INPP4B: variants seen among roughly 807,000 people sequenced by gnomAD.
The protein encoded by INPP4B is inositol polyphosphate 4-phosphatase type II.
A neutral mutation model predicts 122.5 loss-of-function variants in INPP4B; 55 were observed. The observed-to-expected ratio is 0.45, with a 90% CI of 0.36 to 0.56. INPP4B has a LOEUF of 0.56. Ranked by LOEUF, INPP4B falls within the 20% of genes least tolerant of loss-of-function variation. The probability of loss-of-function intolerance (pLI) is 0.00; values close to 1 mark genes in which losing one functional copy is unlikely to be tolerated. For missense variants in INPP4B, 1,000 were observed against 1,097.7 expected (o/e 0.91, Z 1.26); for synonymous variants, 403 against 388.7 (o/e 1.04, Z -0.43).
At chr4:142,165,290 T>C (rs1714173600) in intron 16 of INPP4B, among the ~76,000 whole-genome samples, 1 of 151,710 alleles carries the variant, frequency 6.6e-6, no homozygotes, top group Non-Finnish European at 1.5e-5. Context: ...ACGCCTATTT[T>C]CTGGATTAGT....
intron 1 of INPP4B, among the ~76,000 whole-genome samples, chr4:142,765,172 A>G (rs1206215258): frequency 6.6e-6 from 1 of 152,132 alleles, no homozygotes; most frequent in African/African-American, 2.4e-5. Context: ...ACAGTGAAAA[A>G]AGTTGATAAT....
Position 142,682,950 on chromosome 4 carries a change from G to T in INPP4B, c.-191+42889C>A, listed in dbSNP as rs1185418561. 2.6e-5 allele frequency among the ~76,000 whole-genome samples: 4 copies of T among 151,922 alleles called. No individual in the cohort carries two copies. In the East Asian group the frequency reaches 7.8e-4, roughly 30 times the overall value. Reference sequence around the variant, plus strand: ...TGTAACAATTATATATTATGTATATGCATATACACATATATATGTGCTGAA... The same window carrying T: ...TGTAACAATTATATATTATGTATATTCATATACACATATATATGTGCTGAA... On this transcript the variant is annotated intron_variant, in intron 2 of 25. Transcript: ENST00000262992.
intron 1 of INPP4B, among the ~76,000 whole-genome samples, chr4:142,800,500 G>A (rs1477712686): frequency 6.6e-6 from 1 of 152,066 alleles, no homozygotes; most frequent in Admixed American, 6.6e-5. Flanking sequence ...TGATCAAATG[G>A]AAATTGGATC....
chr4:142,312,910 C>A (rs1443648021), intron 8 of INPP4B, among the ~76,000 whole-genome samples: 1 of 152,128 alleles, frequency 6.6e-6, no homozygotes, highest in Non-Finnish European at 1.5e-5. Flanking sequence ...TCAAGTCTAG[C>A]AGTAAGAAAA....
chr4:142,727,349 T>C (rs1186255006), intron 1 of INPP4B, among the ~76,000 whole-genome samples: 1 of 152,142 alleles, frequency 6.6e-6, no homozygotes, highest in African/African-American at 2.4e-5. Flanking sequence ...CTCGATCTAA[T>C]TCAGAAAACA....
chr4:142,442,429 A>AG lies in INPP4B; in HGVS notation c.-126-11045_-126-11044insC, dbSNP rs1449008597. ...TCCATCTCAAAAAAAAAAAAAAAAAAAGAGAGAGAAGAAAAAAATAAAAAG... is the reference window on the plus strand; with the variant it reads ...TCCATCTCAAAAAAAAAAAAAAAAAAGAGAGAGAGAAGAAAAAAATAAAAAG... On this transcript the variant is annotated intron_variant, in intron 3 of 25. Coordinates refer to ENST00000262992, the MANE Select transcript of INPP4B (RefSeq NM_001101669.3). 4.0e-5 allele frequency among the ~76,000 whole-genome samples: 6 copies of AG among 150,814 alleles called. No homozygotes were observed. The East Asian group carries it at 9.6e-4, about 24-fold the overall frequency.
rs1180438066 is a variant in INPP4B, at chr4:142,025,345, A to G, written c.*3437T>C. The G allele has an allele frequency of 6.6e-6, 1 of 152,232 alleles. No homozygotes were observed. Among genetic ancestry groups the G allele is most frequent in the South Asian group, 2.1e-4 (1 of 4,834 alleles). The allele number at this position is 152,232 out of a possible 1,614,324, so 9.4% of individuals were successfully genotyped here. ...AGACTCAAGAGTACTAATAAATAGT[A>G]TAAGGTAGTAAAATAATTGGGAAGT... On this transcript the variant is annotated 3_prime_UTR_variant, in exon 26 of 26. Coordinates refer to ENST00000262992, the MANE Select transcript of INPP4B (RefSeq NM_001101669.3).
chr4:142,304,801 A>T (rs1335583131), intron 9 of INPP4B, among the ~76,000 whole-genome samples: 1 of 152,158 alleles, frequency 6.6e-6, no homozygotes, highest in Non-Finnish European at 1.5e-5. Context: ...TTAGAAAACT[A>T]TTGTTTCAAA....
At chr4:142,263,997 T>C (rs1241689129) in intron 10 of INPP4B, among the ~76,000 whole-genome samples, 1 of 151,866 alleles carries the variant, frequency 6.6e-6, no homozygotes, top group Non-Finnish European at 1.5e-5. Flanking sequence ...GTCAAAGAAG[T>C]AATGAAGTTC....
At chr4:142,724,115 C>T (rs1464583971) in intron 2 of INPP4B, among the ~76,000 whole-genome samples, 1 of 152,050 alleles carries the variant, frequency 6.6e-6, no homozygotes, top group African/African-American at 2.4e-5. Context: ...AATTTTGTTA[C>T]TCTGGGTATA....
At chr4:142,796,910 G>GTGTC (rs1356711116) in intron 1 of INPP4B, among the ~76,000 whole-genome samples, 2 of 126,264 alleles carry the variant, frequency 1.6e-5, no homozygotes, top group African/African-American at 6.4e-5. Flanking sequence ...GTGTGTGTGT[G>GTGTC]TGTGTCTGTG....
chr4:142,382,581 A>ACTATAAATATATATATTTATATAT (rs1794520617), intron 7 of INPP4B, among the ~76,000 whole-genome samples: 5 of 98,124 alleles, frequency 5.1e-5, no homozygotes, highest in African/African-American at 2.8e-4. Flanking sequence ...ATTATATATT[A>ACTATAAATATATATATTTATATAT]TATATATACT....
intron 9 of INPP4B, among the ~76,000 whole-genome samples, chr4:142,299,719 T>C (rs1192987536): frequency 6.6e-6 from 1 of 152,248 alleles, no homozygotes; most frequent in South Asian, 2.1e-4. Context: ...TTGACCTTAT[T>C]TAATATACAA....
chr4:142,689,634 A>G (rs548884196), intron 2 of INPP4B, among the ~76,000 whole-genome samples: 2 of 152,258 alleles, frequency 1.3e-5, no homozygotes, highest in African/African-American at 4.8e-5. Context: ...GTATTTCTCT[A>G]CCTAGCAACA....
intron 22 of INPP4B, among the ~76,000 whole-genome samples, chr4:142,109,464 T>C (rs1376163004): frequency 6.6e-6 from 1 of 152,192 alleles, no homozygotes; most frequent in Non-Finnish European, 1.5e-5. Context: ...CGATGTCTTA[T>C]AGTCTCCCTA....
chr4:142,551,954 C>T (rs934561428), intron 2 of INPP4B, among the ~76,000 whole-genome samples: 12 of 152,170 alleles, frequency 7.9e-5, no homozygotes, highest in Non-Finnish European at 1.5e-4. Flanking sequence ...AATAGACAGT[C>T]GCACCTTGTT....
intron 7 of INPP4B, among the ~76,000 whole-genome samples, chr4:142,363,651 A>G (rs1386487635): frequency 6.6e-6 from 1 of 152,068 alleles, no homozygotes; most frequent in Non-Finnish European, 1.5e-5. Context: ...AAACTCATTG[A>G]GTCCAGTGAT....
chr4:142,473,945 C>T (rs776019123), intron 2 of INPP4B, among the ~76,000 whole-genome samples: 2 of 152,108 alleles, frequency 1.3e-5, no homozygotes, highest in East Asian at 1.9e-4. Context: ...GTGGACAATG[C>T]TTGCTAGTTT....
At chr4:142,344,747 G>C (rs1779775617) in intron 7 of INPP4B, among the ~76,000 whole-genome samples, 1 of 151,910 alleles carries the variant, frequency 6.6e-6, no homozygotes. Context: ...AGAGGATCAG[G>C]AAAAATAATG....
Sources: gnomAD v4.1 joint callset for allele counts (sites outside exome capture counted in the v4.1 genomes callset) on GRCh38, gnomAD v4.1.1 for gene constraint, MANE v1.5 for transcripts, NCBI Gene and HGNC (gene_info 2026-07-23, HGNC 2026-07-21) for gene names.